The following CA10 variants were observed in gnomAD, a reference collection of about 807,000 sequenced individuals.
CA10 encodes carbonic anhydrase 10 (inactive), also known as carbonic anhydrase-related protein 10.
A neutral mutation model predicts 44.2 loss-of-function variants in CA10; 14 were observed. That is an observed-to-expected ratio of 0.32 (90% CI 0.21 to 0.50). The LOEUF is 0.50. Among genes scored for constraint, CA10 ranks in the 20% least tolerant of loss-of-function variants. CA10 has a pLI of 0.99. For synonymous variants in CA10, 159 were observed against 141.6 expected, an observed-to-expected ratio of 1.12 and a Z score of -0.87; for missense variants, 350 against 409.7, an observed-to-expected ratio of 0.85 and a Z score of 1.26.
chr17:51,924,344 T>C (rs1982343184), intron 3 of CA10, among the ~76,000 whole-genome samples: 1 of 152,182 alleles, frequency 6.6e-6, no homozygotes, highest in African/African-American at 2.4e-5. Context: ...CGAAGTATAA[T>C]GCAAATGTCT....
intron 3 of CA10, among the ~76,000 whole-genome samples, chr17:51,899,745 A>G (rs1179393732): frequency 6.6e-6 from 1 of 152,006 alleles, no homozygotes; most frequent in African/African-American, 2.4e-5. Flanking sequence ...TTGGGTGCAT[A>G]TATATTCAGG....
chr17:51,925,437 AAAAC>A (rs1212321685), intron 3 of CA10, among the ~76,000 whole-genome samples: 3 of 152,112 alleles, frequency 2.0e-5, no homozygotes, highest in Admixed American at 6.6e-5. Context: ...CAAAAAAAAA[AAAAC>A]AACAAGTTTC....
chr17:51,978,978 C>CAG (rs1289026214), intron 2 of CA10, among the ~76,000 whole-genome samples: 1 of 152,150 alleles, frequency 6.6e-6, no homozygotes, highest in African/African-American at 2.4e-5. Flanking sequence ...CCATGACCCT[C>CAG]AGTAAAGCCA....
chr17:51,851,898 A>G (rs1978812349), intron 3 of CA10, among the ~76,000 whole-genome samples: 1 of 152,232 alleles, frequency 6.6e-6, no homozygotes, highest in African/African-American at 2.4e-5. Flanking sequence ...AGATTTTGCT[A>G]AACTTTCCTT....
At chr17:51,634,943 G>A (rs995206295) in intron 7 of CA10, among the ~76,000 whole-genome samples, 5 of 152,194 alleles carry the variant, frequency 3.3e-5, no homozygotes, top group African/African-American at 7.2e-5. Context: ...AGACAGTTGA[G>A]ATGCTTCTAT....
chr17:51,907,379 G>C (rs987307416), intron 3 of CA10, among the ~76,000 whole-genome samples: 2 of 151,924 alleles, frequency 1.3e-5, no homozygotes, highest in African/African-American at 4.8e-5. Flanking sequence ...GGGCCTTCCC[G>C]GCTGCCCCAT....
At chr17:51,847,099 T>C (rs75509597) in intron 3 of CA10, among the ~76,000 whole-genome samples, 113 of 152,276 alleles carry the variant, frequency 7.4e-4, no homozygotes, top group Middle Eastern at 3.4e-3. Context: ...GAGCTCAACA[T>C]AGATTTTCTT....
chr17:51,988,206 T>TA (rs1294044161), intron 2 of CA10, among the ~76,000 whole-genome samples: 1 of 151,930 alleles, frequency 6.6e-6, no homozygotes, highest in African/African-American at 2.4e-5. Context: ...ACCACTAAGT[T>TA]AAAAAAGAAA....
chr17:51,739,498 T>C (rs865791990), intron 4 of CA10, among the ~76,000 whole-genome samples: 6 of 152,056 alleles, frequency 3.9e-5, no homozygotes, highest in African/African-American at 1.4e-4. Flanking sequence ...TGGAGGAGGA[T>C]GGTGGCTGTC....
intron 3 of CA10, among the ~76,000 whole-genome samples, chr17:51,835,447 A>C (rs1908442118): frequency 6.6e-6 from 1 of 152,236 alleles, no homozygotes; most frequent in Non-Finnish European, 1.5e-5. Flanking sequence ...CTTCTTAAAC[A>C]TCCCAGCTAT....
chr17:52,097,129 G>T (rs1262787038), intron 1 of CA10, among the ~76,000 whole-genome samples: 2 of 152,124 alleles, frequency 1.3e-5, no homozygotes, highest in East Asian at 1.9e-4. Context: ...AATCTAGAAT[G>T]GATGCTGAGA....
chr17:51,766,460 G>T (rs935776282), intron 3 of CA10, among the ~76,000 whole-genome samples: 6 of 152,138 alleles, frequency 3.9e-5, no homozygotes, highest in African/African-American at 1.4e-4. Context: ...CATAGTAGGA[G>T]AAAGGACAGC....
At chr17:51,891,214 G>T (rs891389219) in intron 3 of CA10, among the ~76,000 whole-genome samples, 1 of 152,144 alleles carries the variant, frequency 6.6e-6, no homozygotes, top group South Asian at 2.1e-4. Flanking sequence ...GACTGAGGTG[G>T]TGTGTGTGAT....
intron 2 of CA10, among the ~76,000 whole-genome samples, chr17:52,008,193 A>G (rs1985666778): frequency 6.6e-6 from 1 of 151,616 alleles, no homozygotes; most frequent in Non-Finnish European, 1.5e-5. Flanking sequence ...TTTCCAGAGG[A>G]TTCCTTTGCA....
chr17:51,637,557 T>A (rs1022517324), intron 6 of CA10, among the ~76,000 whole-genome samples: 10 of 152,158 alleles, frequency 6.6e-5, no homozygotes, highest in Admixed American at 6.6e-4. Flanking sequence ...TGTGTCTAAC[T>A]CCCAGTGGGA....
chr17:52,071,917 C>G (rs566255489), intron 2 of CA10, among the ~76,000 whole-genome samples: 3 of 152,254 alleles, frequency 2.0e-5, no homozygotes, highest in African/African-American at 7.2e-5. Context: ...ATACTTGGCG[C>G]GATGTGCTAA....
At chr17:52,123,039 T>G (rs567522384) in intron 1 of CA10, among the ~76,000 whole-genome samples, 6 of 152,226 alleles carry the variant, frequency 3.9e-5, no homozygotes, top group South Asian at 2.1e-4. Context: ...AATTTGCCAA[T>G]CATATATTCT....
chr17:51,669,943 T>C (rs1227146906), intron 4 of CA10, among the ~76,000 whole-genome samples: 2 of 152,210 alleles, frequency 1.3e-5, no homozygotes, highest in African/African-American at 2.4e-5. Flanking sequence ...TGGGAGATAA[T>C]TGAATCACAG....
intron 4 of CA10, 66 bp downstream of exon 4, chr17:51,747,567 G>A: frequency 7.5e-7 from 1 of 1,328,008 alleles, no homozygotes; most frequent in Non-Finnish European, 1.0e-6. Context: ...TCCCATCTTG[G>A]ACACAAACAG....
Sources: gnomAD v4.1 joint callset for allele counts (sites outside exome capture counted in the v4.1 genomes callset) on GRCh38, gnomAD v4.1.1 for gene constraint, MANE v1.5 for transcripts, NCBI Gene and HGNC (gene_info 2026-07-23, HGNC 2026-07-21) for gene names.